The following UST variants were observed in gnomAD, a reference collection of about 807,000 sequenced individuals.
UST encodes uronyl 2-sulfotransferase, also known as chondroitin sulfate 2-O-sulfotransferase.
In UST, 21 loss-of-function variants were observed where a neutral mutation model predicts 45.6. The observed-to-expected ratio is 0.46, with a 90% CI of 0.33 to 0.66. The LOEUF is 0.66. Ranked by LOEUF, UST falls within the 30% of genes least tolerant of loss-of-function variation. The pLI, the probability that UST is intolerant of heterozygous loss-of-function variation, is 0.02. For synonymous variants in UST, 215 were observed against 200.6 expected (o/e 1.07, Z -0.61); for missense variants, 463 against 512.4 (o/e 0.90, Z 0.93).
intron 3 of UST, among the ~76,000 whole-genome samples, chr6:148,949,520 G>A (rs1223247926): frequency 6.6e-6 from 1 of 151,900 alleles, no homozygotes; most frequent in Non-Finnish European, 1.5e-5. Flanking sequence ...ATGGGAGTCT[G>A]TTTGATGGTG....
intron 1 of UST, among the ~76,000 whole-genome samples, chr6:148,837,261 C>T (rs1428352809): frequency 6.6e-6 from 1 of 152,178 alleles, no homozygotes; most frequent in Non-Finnish European, 1.5e-5. Flanking sequence ...GACTCCCTAA[C>T]TCTTCTCCAA....
chr6:148,978,847 A>T (rs35847457), intron 5 of UST, among the ~76,000 whole-genome samples: 23,749 of 151,774 alleles, frequency 0.16, 2,214 homozygotes, highest in Non-Finnish European at 0.22. Context: ...AAATTTTTTT[A>T]AAAAAAAATT....
chr6:148,953,122 G>A (rs1341611653), intron 3 of UST, among the ~76,000 whole-genome samples: 1 of 152,126 alleles, frequency 6.6e-6, no homozygotes, highest in Non-Finnish European at 1.5e-5. Flanking sequence ...TGGTCAAGGA[G>A]CACAAGAATG....
chr6:149,009,793 A>G (rs552420522), intron 5 of UST, among the ~76,000 whole-genome samples: 1 of 152,014 alleles, frequency 6.6e-6, no homozygotes, highest in African/African-American at 2.4e-5. Flanking sequence ...ATAGAACAAG[A>G]GACAGTTGCT....
chr6:148,796,786 C>T (rs1776957591), intron 1 of UST, among the ~76,000 whole-genome samples: 1 of 146,090 alleles, frequency 6.8e-6, no homozygotes. Flanking sequence ...AACCAACTTT[C>T]TCTGATAATT....
Position 148,903,304 on chromosome 6 carries a change from T to G in UST, c.291+16275T>G, listed in dbSNP as rs369459899. 1.6e-4 allele frequency among the ~76,000 whole-genome samples: 24 copies of G among 152,210 alleles called. 1 individual carries two copies. Among genetic ancestry groups the G allele is most frequent in the Admixed American group, 5.2e-4 (8 of 15,280 alleles). ...GTCCCCCACATTTAGGACATGTACC[T>G]ATTTAGTTGACAATAAATACATGTC... On this transcript the variant is annotated intron_variant, in intron 2 of 7. Coordinates refer to ENST00000367463, the MANE Select transcript of UST (RefSeq NM_005715.3).
chr6:149,058,332 C>T (rs1440480510), intron 7 of UST, among the ~76,000 whole-genome samples: 1 of 147,832 alleles, frequency 6.8e-6, no homozygotes, highest in Non-Finnish European at 1.5e-5. Context: ...CTCCTCCCTG[C>T]CAAAGGAGGA....
chr6:148,997,635 A>G (rs2114999607), intron 5 of UST, among the ~76,000 whole-genome samples: 1 of 152,338 alleles, frequency 6.6e-6, no homozygotes, highest in South Asian at 2.1e-4. Context: ...GAAGATGAGA[A>G]CAGACACTGG....
At chr6:148,839,707 T>C (rs908738894) in intron 1 of UST, among the ~76,000 whole-genome samples, 1 of 152,152 alleles carries the variant, frequency 6.6e-6, no homozygotes, top group African/African-American at 2.4e-5. Context: ...TATCAGCTTC[T>C]CCTCCAACAT....
chr6:149,015,619 T>G (rs565708919), intron 5 of UST, among the ~76,000 whole-genome samples: 8 of 138,328 alleles, frequency 5.8e-5, no homozygotes, highest in African/African-American at 2.2e-4. Flanking sequence ...ATATTAAATG[T>G]TTTTTTTTCT....
chr6:148,974,878 C>T (rs1259493801), intron 5 of UST, among the ~76,000 whole-genome samples: 3 of 152,194 alleles, frequency 2.0e-5, no homozygotes, highest in Admixed American at 2.0e-4. Context: ...GGTGAAATAA[C>T]ACTGGTTTGA....
chr6:148,870,104 T>TCTCACACACACA (rs377724567), intron 1 of UST, among the ~76,000 whole-genome samples: 12 of 141,448 alleles, frequency 8.5e-5, no homozygotes, highest in African/African-American at 2.7e-4. Context: ...TGGTAATGTT[T>TCTCACACACACA]CACACACACA....
At chr6:148,903,189 A>G (rs1779292984) in intron 2 of UST, among the ~76,000 whole-genome samples, 1 of 152,048 alleles carries the variant, frequency 6.6e-6, no homozygotes. Flanking sequence ...TTATCTCTTT[A>G]TCCAATTCTG....
intron 1 of UST, among the ~76,000 whole-genome samples, chr6:148,775,254 G>A (rs1467429203): frequency 6.6e-6 from 1 of 152,108 alleles, no homozygotes; most frequent in Admixed American, 6.5e-5. Flanking sequence ...GAATTTGACA[G>A]CTTCCTTTAG....
At chr6:148,979,540 G>A (rs1027606028) in intron 5 of UST, among the ~76,000 whole-genome samples, 9 of 152,200 alleles carry the variant, frequency 5.9e-5, no homozygotes, top group Non-Finnish European at 1.3e-4. Flanking sequence ...CTTGACATTG[G>A]AAAAGGGAGA....
intron 5 of UST, among the ~76,000 whole-genome samples, chr6:148,996,123 T>C (rs944922138): frequency 2.6e-5 from 4 of 152,208 alleles, no homozygotes; most frequent in Admixed American, 2.0e-4. Flanking sequence ...CCATAGAGAA[T>C]TGATTCTTCC....
At chr6:148,867,387 A>G (rs868821558) in intron 1 of UST, among the ~76,000 whole-genome samples, 54 of 152,180 alleles carry the variant, frequency 3.5e-4, no homozygotes, top group African/African-American at 1.3e-3. Context: ...ATTCTGTGCT[A>G]TAGCACCGAC....
At chr6:149,029,304 A>G (rs1171951646) in intron 7 of UST, among the ~76,000 whole-genome samples, 1 of 148,192 alleles carries the variant, frequency 6.7e-6, no homozygotes. Flanking sequence ...TAAATTATAT[A>G]TAAAGTATAT....
chr6:148,770,331 G>C (rs2114672158), intron 1 of UST, among the ~76,000 whole-genome samples: 1 of 150,296 alleles, frequency 6.7e-6, no homozygotes, highest in South Asian at 2.1e-4. Context: ...TGTGGGAAAA[G>C]GGCATTCTAG....
Sources: allele counts gnomAD v4.1 joint callset (sites outside exome capture counted in the v4.1 genomes callset), GRCh38; gene constraint gnomAD v4.1.1; transcripts MANE v1.5; gene names NCBI Gene and HGNC (gene_info 2026-07-23, HGNC 2026-07-21).